The following CCDC138 variants were observed in gnomAD, a reference collection of about 807,000 sequenced individuals.
The protein encoded by CCDC138 is coiled-coil domain containing 138.
A neutral mutation model predicts 82.3 loss-of-function variants in CCDC138; 66 were observed. The ratio of observed to expected loss-of-function variants is 0.80; its 90% confidence interval spans 0.66 to 0.98. The LOEUF (loss-of-function observed/expected upper bound fraction) is 0.98. CCDC138 is among the 50% of genes least tolerant of loss of function. The pLI is 0.00. For synonymous variants in CCDC138, 297 were observed against 265.4 expected (o/e 1.12, Z -1.16); for missense variants, 816 against 758.9 (o/e 1.08, Z -0.88).
At chr2:108,807,057 A>G (rs1180992013) in intron 7 of CCDC138, among the ~76,000 whole-genome samples, 1 of 152,238 alleles carries the variant, frequency 6.6e-6, no homozygotes, top group Non-Finnish European at 1.5e-5. Flanking sequence ...TAGCAGAGGA[A>G]AATATGTCTT....
chr2:108,872,410 A>G (rs1423610038), intron 13 of CCDC138, among the ~76,000 whole-genome samples: 1 of 152,222 alleles, frequency 6.6e-6, no homozygotes, highest in African/African-American at 2.4e-5. Flanking sequence ...TGTGAAAGTA[A>G]TGAGTTTGGT....
chr2:108,815,498 G>C (rs1316993677), intron 9 of CCDC138, among the ~76,000 whole-genome samples: 1 of 82,472 alleles, frequency 1.2e-5, no homozygotes. Flanking sequence ...ATGGAGTCTT[G>C]CTCTTTTGCC....
At chr2:108,824,452 T>TA (rs1248235974) in intron 10 of CCDC138, among the ~76,000 whole-genome samples, 1 of 152,160 alleles carries the variant, frequency 6.6e-6, no homozygotes, top group African/African-American at 2.4e-5. Context: ...GGATAATCAA[T>TA]ATCAGTGTCT....
At chr2:108,861,968 G>A (rs1221508314) in intron 13 of CCDC138, among the ~76,000 whole-genome samples, 2 of 151,998 alleles carry the variant, frequency 1.3e-5, no homozygotes, top group East Asian at 3.9e-4. Context: ...AGTCATTCGG[G>A]AGTAAATTCT....
chr2:108,825,262 T>C (rs1686360623), intron 10 of CCDC138, among the ~76,000 whole-genome samples: 1 of 106,604 alleles, frequency 9.4e-6, no homozygotes, highest in South Asian at 3.2e-4. Flanking sequence ...GTTTTTGTTC[T>C]GGTGGTGGGT....
rs138374687 is a variant in CCDC138, at chr2:108,873,880, C to T, written c.1832+291C>T. Among the ~76,000 whole-genome samples, 38 of 152,220 alleles carry T rather than the reference C, an allele frequency of 2.5e-4. No individual in the cohort carries two copies. The East Asian group carries it at 7.0e-3, about 28-fold the overall frequency. ...TTGGACAAGCTTGATTTAGACCTTT[C>T]TGAATCCCATGCTACTTAAGCTTTG... is the stretch of plus-strand genomic sequence containing the variant. On this transcript the variant is annotated intron_variant, in intron 14 of 14. Transcript: ENST00000295124.
At chr2:108,843,666 A>G (rs1689894750) in intron 11 of CCDC138, among the ~76,000 whole-genome samples, 1 of 151,944 alleles carries the variant, frequency 6.6e-6, no homozygotes, top group Non-Finnish European at 1.5e-5. Context: ...CATATATGTA[A>G]GGTGTCATTT....
At position 108,871,487 on chromosome 2, in the gene CCDC138, G is replaced by C. The variant is rs529613896; in HGVS notation, c.1694-1964G>C. On this transcript the variant is annotated intron_variant, in intron 13 of 14. Coordinates refer to ENST00000295124, the MANE Select transcript of CCDC138 (RefSeq NM_144978.3). ...GAATCCCTTGAACCCAGAGGGAGGA[G>C]GCTTCAGTGAGCCGAGATCATGCCA... is the stretch of plus-strand genomic sequence containing the variant. Among the ~76,000 whole-genome samples the C allele has an allele frequency of 5.9e-5, 9 of 151,986 alleles. No individual in the cohort carries two copies. In the South Asian group the frequency reaches 1.9e-3, roughly 32 times the overall value.
chr2:108,819,259 G>A (rs544435793), intron 10 of CCDC138, among the ~76,000 whole-genome samples: 9 of 152,272 alleles, frequency 5.9e-5, no homozygotes, highest in African/African-American at 1.9e-4. Context: ...AAAGTTTGTG[G>A]CATTTTGCAT....
intron 14 of CCDC138, among the ~76,000 whole-genome samples, chr2:108,875,332 A>G (rs78753446): frequency 7.3e-6 from 1 of 136,094 alleles, no homozygotes; most frequent in African/African-American, 2.5e-5. Flanking sequence ...AAAAAAAAAA[A>G]AAAAGAAACA....
At chr2:108,820,343 A>G (rs1685469722) in intron 10 of CCDC138, among the ~76,000 whole-genome samples, 2 of 152,222 alleles carry the variant, frequency 1.3e-5, no homozygotes, top group Admixed American at 6.5e-5. Context: ...GAGATCATCA[A>G]GTGAACCACT....
downstream of CCDC138, chr2:108,885,484 T>C (rs967020940): frequency 2.6e-5 from 4 of 152,252 alleles, no homozygotes; most frequent in African/African-American, 9.6e-5. Context: ...GTAAGTACTG[T>C]ATCTGTAAAA....
intron 10 of CCDC138, among the ~76,000 whole-genome samples, chr2:108,836,885 A>G (rs1390939524): frequency 6.6e-6 from 1 of 151,106 alleles, no homozygotes; most frequent in Non-Finnish European, 1.5e-5. Context: ...GTGTATGGAA[A>G]CACAAGTGAT....
chr2:108,872,909 A>G (rs1073893), intron 13 of CCDC138, among the ~76,000 whole-genome samples: 110,823 of 152,070 alleles, frequency 0.73, 43,121 homozygotes, highest in East Asian at 0.95. Context: ...TAGCTTCAAC[A>G]TAAAAGTCCA....
chr2:108,837,436 T>A (rs1688755919), intron 10 of CCDC138, among the ~76,000 whole-genome samples: 2 of 152,192 alleles, frequency 1.3e-5, no homozygotes, highest in Non-Finnish European at 2.9e-5. Flanking sequence ...CACTGTATAA[T>A]GATGTTTAAG....
In CCDC138 at chr2:108,846,911, TCTCAAAACAGTCA is replaced by T. The variant is rs1193424721; in HGVS notation, c.1503_1515del (p.Thr502LeufsTer15). ...TGAGATTTTTATCAACCTTAATTGT[TCTCAAAACAGTCA>T]CTCAAGGTAAGCTTTCAATTGTACT... On this transcript the variant is annotated frameshift_variant, in exon 12 of 15. Transcript: ENST00000295124. LOFTEE classifies it high-confidence loss of function. 4 of 1,603,670 alleles carry T rather than the reference TCTCAAAACAGTCA, an allele frequency of 2.5e-6. No homozygotes were observed. In the African/African-American group the frequency reaches 5.4e-5, roughly 22 times the overall value.
chr2:108,874,784 C>T (rs1695778030), intron 14 of CCDC138, among the ~76,000 whole-genome samples: 1 of 152,138 alleles, frequency 6.6e-6, no homozygotes, highest in Non-Finnish European at 1.5e-5. Flanking sequence ...TTACTGTCTT[C>T]CTTTTCTTGC....
intron 10 of CCDC138, among the ~76,000 whole-genome samples, chr2:108,821,864 G>A (rs916621902): frequency 6.8e-6 from 1 of 147,406 alleles, no homozygotes; most frequent in Non-Finnish European, 1.5e-5. Context: ...AGAATTGCTT[G>A]AACCCAGGAG....
Position 108,853,891 on chromosome 2 carries a change from G to GTA in CCDC138, c.1517-2895_1517-2894dup, listed in dbSNP as rs1189807641. Among the ~76,000 whole-genome samples, 6 of 108,702 alleles carry GTA rather than the reference G, an allele frequency of 5.5e-5. No individual in the cohort carries two copies. In the East Asian group the frequency reaches 6.9e-4, roughly 13 times the overall value. The allele number at this position is 108,702 out of a possible 152,430, so 71.3% of individuals were successfully genotyped here. A position where few individuals can be genotyped will look rare whatever the true frequency, so the allele number is the denominator to read the frequency against. ...TATATACTATATAATATATTATATAGTATATATATTATATATTATATAGTA... is the reference window on the plus strand; with the variant it reads ...TATATACTATATAATATATTATATAGTATATATATATTATATATTATATAGTA... On this transcript the variant is annotated intron_variant, in intron 12 of 14. Coordinates refer to ENST00000295124, the MANE Select transcript of CCDC138 (RefSeq NM_144978.3).
Sources: allele counts gnomAD v4.1 joint callset (sites outside exome capture counted in the v4.1 genomes callset), GRCh38; gene constraint gnomAD v4.1.1; transcripts MANE v1.5; gene names NCBI Gene and HGNC (gene_info 2026-07-23, HGNC 2026-07-21).